The following SUGCT variants were observed in gnomAD, a reference collection of about 807,000 sequenced individuals.
The protein encoded by SUGCT is succinyl-CoA:glutarate CoA-transferase.
A neutral mutation model predicts 55.0 loss-of-function variants in SUGCT; 41 were observed. The observed-to-expected ratio is 0.74, with a 90% CI of 0.58 to 0.97. SUGCT has a LOEUF of 0.97. Among genes scored for constraint, SUGCT ranks in the 50% least tolerant of loss-of-function variants. The pLI is 0.00. For missense variants in SUGCT, 568 were observed against 547.8 expected, an observed-to-expected ratio of 1.04 and a Z score of -0.37; for synonymous variants, 187 against 200.4, an observed-to-expected ratio of 0.93 and a Z score of 0.56.
At chr7:40,222,912 G>A (rs774553038) in intron 6 of SUGCT, among the ~76,000 whole-genome samples, 1 of 152,224 alleles carries the variant, frequency 6.6e-6, no homozygotes, top group East Asian at 1.9e-4. Flanking sequence ...ACAGGCATAA[G>A]CTACCATGCC....
intron 11 of SUGCT, among the ~76,000 whole-genome samples, chr7:40,494,764 T>C (rs764471048): frequency 6.6e-5 from 10 of 152,214 alleles, no homozygotes; most frequent in Admixed American, 2.0e-4. Flanking sequence ...TAAAAACTTA[T>C]ATGATTGAAC....
rs528433467 is a variant in SUGCT at position 40,478,174 on chromosome 7, T to A, written c.987-18110T>A. 1.1e-3 allele frequency among the ~76,000 whole-genome samples: 165 copies of A among 152,226 alleles called. 1 individual carries two copies. Among genetic ancestry groups the A allele is most frequent in the African/African-American group, 3.5e-3 (146 of 41,548 alleles). On this transcript the variant is annotated intron_variant, in intron 11 of 13. Coordinates refer to ENST00000335693, the MANE Select transcript of SUGCT (RefSeq NM_001193313.2). ...ACGCCACCATGCCTGGCTAATTTTT[T>A]AAATTTTTTTTTCCAGAGACAGGGT...
chr7:40,300,550 A>G (rs1224283447), intron 8 of SUGCT, among the ~76,000 whole-genome samples: 1 of 152,214 alleles, frequency 6.6e-6, no homozygotes, highest in Non-Finnish European at 1.5e-5. Context: ...CATATAAAAT[A>G]TAGTTGTGGG....
At chr7:40,249,321 A>ATCTATCTATCTATCTATCTATC (rs1326008353) in intron 7 of SUGCT, among the ~76,000 whole-genome samples, 1 of 109,466 alleles carries the variant, frequency 9.1e-6, no homozygotes, top group African/African-American at 4.0e-5. Flanking sequence ...AGCTATATAT[A>ATCTATCTATCTATCTATCTATC]TATATATATA....
chr7:40,163,402 A>G (rs1414429817), intron 1 of SUGCT, among the ~76,000 whole-genome samples: 1 of 152,114 alleles, frequency 6.6e-6, no homozygotes, highest in African/African-American at 2.4e-5. Context: ...TCAGGAGATC[A>G]AGACCATCCT....
At chr7:40,337,641 T>A (rs986215281) in intron 9 of SUGCT, among the ~76,000 whole-genome samples, 6 of 152,354 alleles carry the variant, frequency 3.9e-5, no homozygotes, top group African/African-American at 1.4e-4. Context: ...TCTATGTGTG[T>A]CTCTGCATGT....
chr7:40,187,500 G>C (rs1376571155), intron 3 of SUGCT, among the ~76,000 whole-genome samples: 1 of 152,072 alleles, frequency 6.6e-6, no homozygotes, highest in African/African-American at 2.4e-5. Context: ...GGTTTTTCCA[G>C]TTTATGTCCT....
chr7:40,189,472 A>G (rs1314831360), intron 4 of SUGCT, 72 bp from the exon 5 acceptor site: 2 of 328,044 alleles, frequency 6.1e-6, no homozygotes, highest in Non-Finnish European at 1.0e-5. Flanking sequence ...TATATTGCAT[A>G]GTGGTGGGGA....
At chr7:40,463,202 G>A (rs1789906978) in intron 11 of SUGCT, among the ~76,000 whole-genome samples, 1 of 152,082 alleles carries the variant, frequency 6.6e-6, no homozygotes, top group African/African-American at 2.4e-5. Flanking sequence ...TCTTTAAAAC[G>A]TGAAAATGTG....
chr7:40,462,666 A>G (rs778622031), intron 11 of SUGCT, among the ~76,000 whole-genome samples: 2 of 152,230 alleles, frequency 1.3e-5, no homozygotes, highest in East Asian at 1.9e-4. Flanking sequence ...CACATATTCA[A>G]CAAGCATTTG....
intron 13 of SUGCT, among the ~76,000 whole-genome samples, chr7:40,793,981 TAA>T (rs1478639013): frequency 6.6e-6 from 1 of 151,928 alleles, no homozygotes; most frequent in African/African-American, 2.4e-5. Flanking sequence ...TACTTATTTC[TAA>T]AAGTTATGTT....
chr7:40,274,363 G>A, intron 7 of SUGCT, 150 bp from the exon 8 acceptor site: 1 of 737,776 alleles, frequency 1.4e-6, no homozygotes, highest in Non-Finnish European at 2.1e-6. Context: ...ATTCACAATA[G>A]CAATTTATTT....
At chr7:40,230,100 G>C (rs934047797) in intron 6 of SUGCT, among the ~76,000 whole-genome samples, 2 of 152,096 alleles carry the variant, frequency 1.3e-5, no homozygotes, top group African/African-American at 4.8e-5. Flanking sequence ...CTCATTACCA[G>C]GATAGGTCTT....
chr7:40,777,990 C>T (rs909986820), intron 13 of SUGCT, among the ~76,000 whole-genome samples: 1 of 152,156 alleles, frequency 6.6e-6, no homozygotes, highest in African/African-American at 2.4e-5. Flanking sequence ...TAGCCCACAG[C>T]GGCCACCCCA....
the SUGCT span, among the ~76,000 whole-genome samples, chr7:40,932,173 C>T: frequency 4.9e-4 from 75 of 152,234 alleles, no homozygotes; most frequent in Non-Finnish European, 9.8e-4. Flanking sequence ...GCCTTCATTT[C>T]GTTATTTACC....
At chr7:40,315,068 G>A (rs1474170686) in intron 8 of SUGCT, among the ~76,000 whole-genome samples, 1 of 151,966 alleles carries the variant, frequency 6.6e-6, no homozygotes, top group Non-Finnish European at 1.5e-5. Flanking sequence ...TTATATATTA[G>A]GGTTTCATGT....
chr7:40,559,996 C>T lies in SUGCT; in HGVS notation c.1089+63610C>T, dbSNP rs114496166. ...ATTTTAACCTTTTCTATTTTGGATT[C>T]GGATCAGGTCTTCTGTTGTGGATCA... On this transcript the variant is annotated intron_variant, in intron 12 of 13. Transcript: ENST00000335693. 2.9e-3 allele frequency among the ~76,000 whole-genome samples: 441 copies of T among 152,228 alleles called. 1 individual carries two copies. Among genetic ancestry groups the T allele is most frequent in the Middle Eastern group, 0.01 (3 of 294 alleles).
Position 40,650,873 on chromosome 7 carries a change from C to A in SUGCT, c.1090-98561C>A, listed in dbSNP as rs146136258. On this transcript the variant is annotated intron_variant, in intron 12 of 13. Transcript: ENST00000335693. ...TTTCCTAATGTTGTCCCTCCTCCCA[C>A]CCTAACCCTCAATAGGCAGCAGTGT... 3.5e-3 allele frequency among the ~76,000 whole-genome samples: 531 copies of A among 152,266 alleles called. 8 individuals are homozygous for A. The highest frequency in any genetic ancestry group is 0.031 in the East Asian group (161 of 5,168).
chr7:40,366,798 C>A (rs958788180), intron 9 of SUGCT, among the ~76,000 whole-genome samples: 1 of 152,040 alleles, frequency 6.6e-6, no homozygotes, highest in African/African-American at 2.4e-5. Context: ...GAAATAGGAA[C>A]ACTTTTACAC....
Sources: allele counts gnomAD v4.1 joint callset (sites outside exome capture counted in the v4.1 genomes callset), GRCh38; gene constraint gnomAD v4.1.1; transcripts MANE v1.5; gene names NCBI Gene and HGNC (gene_info 2026-07-23, HGNC 2026-07-21).